Variants in UBE2G1 observed in about 807,000 individuals in gnomAD.
UBE2G1 encodes ubiquitin conjugating enzyme E2 G1.
Under a neutral mutation model 22.7 loss-of-function variants are expected in UBE2G1, and 5 were observed. The ratio of observed to expected loss-of-function variants is 0.22; its 90% CI spans 0.12 to 0.46. The LOEUF (loss-of-function observed/expected upper bound fraction) is 0.46. Ranked by LOEUF, UBE2G1 falls within the 20% of genes least tolerant of loss-of-function variation. The pLI is 0.99. For synonymous variants in UBE2G1, 74 were observed against 67.5 expected (o/e 1.10, Z -0.47); for missense variants, 88 against 203.9 (o/e 0.43, Z 3.46).
intron 5 of UBE2G1, among the ~76,000 whole-genome samples, chr17:4,275,377 G>A (rs1181917293): frequency 6.6e-6 from 1 of 152,110 alleles, no homozygotes; most frequent in African/African-American, 2.4e-5. Context: ...TACATTTTAA[G>A]CATATCCATT....
At chr17:4,311,248 T>TA (rs79412503) in intron 1 of UBE2G1, among the ~76,000 whole-genome samples, 5 of 151,590 alleles carry the variant, frequency 3.3e-5, no homozygotes, top group South Asian at 2.1e-4. Flanking sequence ...TAATTTTTTT[T>TA]AAAAAAAGTA....
chr17:4,274,197 GTCT>G, intron 5 of UBE2G1, among the ~76,000 whole-genome samples: 1 of 95,662 alleles, frequency 1.0e-5, no homozygotes, highest in South Asian at 4.1e-4. Flanking sequence ...AGCCAGGATG[GTCT>G]TTTTTTTTTT....
At chr17:4,303,069 G>GAA (rs929156725) in intron 2 of UBE2G1, among the ~76,000 whole-genome samples, 1 of 144,964 alleles carries the variant, frequency 6.9e-6, no homozygotes. Flanking sequence ...TCTTACAGCA[G>GAA]AAAAAAAAAA....
At chr17:4,348,285 G>C (rs1330740297) in intron 1 of UBE2G1, among the ~76,000 whole-genome samples, 1 of 151,972 alleles carries the variant, frequency 6.6e-6, no homozygotes, top group Non-Finnish European at 1.5e-5. Context: ...CGGGCGCGGT[G>C]GCTCACGCCT....
chr17:4,297,982 G>A (rs1294139580), intron 2 of UBE2G1, among the ~76,000 whole-genome samples: 3 of 152,158 alleles, frequency 2.0e-5, no homozygotes, highest in African/African-American at 4.8e-5. Flanking sequence ...ATTGGTCTAC[G>A]TAAAAGGATA....
intron 1 of UBE2G1, among the ~76,000 whole-genome samples, chr17:4,319,965 TTA>T (rs566358061): frequency 6.6e-6 from 1 of 151,492 alleles, no homozygotes; most frequent in Non-Finnish European, 1.5e-5. Flanking sequence ...CTATAAGCTT[TTA>T]TATATATATA....
In UBE2G1 at chr17:4,293,867, A is replaced by C. The variant is rs2325979; in HGVS notation, c.247+2850T>G. 5.3e-3 allele frequency among the ~76,000 whole-genome samples: 811 copies of C among 152,290 alleles called. 5 individuals carry two copies. The highest frequency in any genetic ancestry group is 0.018 in the African/African-American group (763 of 41,574). Reference sequence around the variant, plus strand: ...TTCCTGCAACACTATTCTTAGTTCAAGTTTTTATTGTTTTTTACTCAAATT... The same window carrying C: ...TTCCTGCAACACTATTCTTAGTTCACGTTTTTATTGTTTTTTACTCAAATT... On this transcript the variant is annotated intron_variant, in intron 3 of 5. Coordinates refer to ENST00000396981, the MANE Select transcript of UBE2G1 (RefSeq NM_003342.5).
chr17:4,348,103 TAA>T (rs1969800453), intron 1 of UBE2G1, among the ~76,000 whole-genome samples: 1 of 152,152 alleles, frequency 6.6e-6, no homozygotes, highest in South Asian at 2.1e-4. Flanking sequence ...CAAGAAATTT[TAA>T]AAGTTAGCCA....
At chr17:4,294,930 G>C (rs146555662) in intron 3 of UBE2G1, among the ~76,000 whole-genome samples, 5 of 151,218 alleles carry the variant, frequency 3.3e-5, no homozygotes, top group African/African-American at 4.8e-5. Flanking sequence ...TGGGAGAAAC[G>C]TACGTGAGGG....
chr17:4,366,014 G>A (rs1055843052), intron 1 of UBE2G1, among the ~76,000 whole-genome samples: 2 of 152,070 alleles, frequency 1.3e-5, no homozygotes, highest in East Asian at 3.9e-4. Context: ...TGGGGGAGGG[G>A]ACCTCCTCCT....
At chr17:4,297,511 C>G (rs1440763205) in intron 2 of UBE2G1, among the ~76,000 whole-genome samples, 3 of 152,180 alleles carry the variant, frequency 2.0e-5, no homozygotes, top group African/African-American at 7.2e-5. Context: ...ACCTCCAGAT[C>G]ACTGACACTT....
At chr17:4,322,927 A>G (rs1362464887) in intron 1 of UBE2G1, among the ~76,000 whole-genome samples, 1 of 152,192 alleles carries the variant, frequency 6.6e-6, no homozygotes, top group Non-Finnish European at 1.5e-5. Context: ...TGGAGGTGAA[A>G]GGAGAGAAAC....
chr17:4,306,942 GC>G, intron 2 of UBE2G1, 78 bp downstream of exon 2: 1 of 1,350,950 alleles, frequency 7.4e-7, no homozygotes, highest in South Asian at 1.2e-5. Flanking sequence ...GAGCCACCGT[GC>G]CCAGCCTGCC....
rs138524429 is a variant in UBE2G1 at position 4,344,464 on chromosome 17, C to T, written c.46+21807G>A. On this transcript the variant is annotated intron_variant, in intron 1 of 5. Coordinates refer to ENST00000396981, the MANE Select transcript of UBE2G1 (RefSeq NM_003342.5). ...CTGAGGCAGGAGAATCTCTTGAACC[C>T]GGGAGGCGGAGGCTGCAATGAGCCG... 3.7e-3 allele frequency among the ~76,000 whole-genome samples: 558 copies of T among 151,720 alleles called. 4 individuals are homozygous for T. The highest frequency in any genetic ancestry group is 0.013 in the African/African-American group (526 of 41,334).
intron 1 of UBE2G1, among the ~76,000 whole-genome samples, chr17:4,360,166 G>C (rs1312123640): frequency 6.6e-6 from 1 of 152,022 alleles, no homozygotes; most frequent in Non-Finnish European, 1.5e-5. Context: ...TCTCTGAAAA[G>C]TTATTTCCTA....
chr17:4,334,328 AAC>A (rs1321995598), intron 1 of UBE2G1, among the ~76,000 whole-genome samples: 2 of 152,242 alleles, frequency 1.3e-5, no homozygotes, highest in African/African-American at 4.8e-5. Context: ...TAAACAAAAA[AAC>A]ACATGGCAAA....
intron 1 of UBE2G1, among the ~76,000 whole-genome samples, chr17:4,321,391 A>G (rs1183568810): frequency 6.6e-6 from 1 of 151,752 alleles, no homozygotes; most frequent in East Asian, 1.9e-4. Flanking sequence ...CTGGCAATTT[A>G]TCTTTGGTGC....
intron 5 of UBE2G1, 56 bp from the exon 6 acceptor site, chr17:4,272,572 CT>C: frequency 1.1e-5 from 2 of 186,674 alleles, no homozygotes; most frequent in Non-Finnish European, 2.3e-5. Flanking sequence ...AAAGAATTAA[CT>C]GTAAGTAGGT....
At chr17:4,336,804 T>C (rs1450743277) in intron 1 of UBE2G1, among the ~76,000 whole-genome samples, 1 of 152,158 alleles carries the variant, frequency 6.6e-6, no homozygotes, top group Non-Finnish European at 1.5e-5. Context: ...TAAGAAAAAC[T>C]TTTAGGCAGA....
Sources: allele counts gnomAD v4.1 joint callset (sites outside exome capture counted in the v4.1 genomes callset), GRCh38; gene constraint gnomAD v4.1.1; transcripts MANE v1.5; gene names NCBI Gene and HGNC (gene_info 2026-07-23, HGNC 2026-07-21).